Variants in FBN3 observed in about 807,000 individuals in gnomAD.
FBN3 encodes the protein fibrillin-3.
Under a neutral mutation model 330.1 loss-of-function variants are expected in FBN3, and 234 were observed. The ratio of observed to expected loss-of-function variants is 0.71; its 90% CI spans 0.64 to 0.79. FBN3 has a LOEUF of 0.79. Among genes scored for constraint, FBN3 ranks in the 30% least tolerant of loss-of-function variants. The pLI, the probability that FBN3 is intolerant of heterozygous loss-of-function variation, is 0.00. For missense variants in FBN3, 3,606 were observed against 3,886.9 expected (o/e 0.93, Z 1.92); for synonymous variants, 1,458 against 1,517.3 (o/e 0.96, Z 0.91).
chr19:8,115,591 G>A lies in FBN3; in HGVS notation c.3762C>T (p.Cys1254=), dbSNP rs758006859. The part of the protein sequence containing the change: ...LNPHICLHGD[C]ENTKGSFVCH... ...AGACAAAGGAACCCTTCGTGTTCTC[G>A]CAGTCCCCATGGAGGCAGATGTGAG... Residue 1254 remains cysteine (C), a synonymous_variant, in exon 30 of 64, where the codon TGC becomes TGT. Transcript: ENST00000600128. 5.6e-6 allele frequency: 9 copies of A among 1,613,974 alleles called. No homozygotes were observed. The highest frequency in any genetic ancestry group is 3.3e-4 in the Middle Eastern group (2 of 6,062).
rs2144896510 is a variant in FBN3 at position 8,121,359 on chromosome 19, T to A, written c.3110A>T (p.Asp1037Val). The A allele has an allele frequency of 6.2e-7, 1 of 1,611,008 alleles. No homozygotes were observed. The highest frequency in any genetic ancestry group is 8.5e-7 in the Non-Finnish European group (1 of 1,178,540). The stretch of plus-strand genomic sequence containing the variant: ...GACACAGGTGCCCTGGCCGCAGAGG[T>A]CAGGAGAGATGCGACACTCGTCGAT... ...TDIDECRISP[D>V]LCGQGTCVNT... is the part of the protein sequence containing the mutation. The change falls in exon 25 of 64, where the codon GAC becomes GTC. Residue 1037 changes from aspartate to valine, a missense_variant. Physicochemically the swap from Asp to Val is radical, Grantham distance 152 (BLOSUM62 -3). Transcript: ENST00000600128. This position sits in a 1 kb window ranked among gnomAD's most constrained non-coding sequence, Gnocchi z 4.5.
Position 8,123,854 on chromosome 19 carries a change from G to C in FBN3, c.2886C>G (p.Phe962Leu). 6.2e-7 allele frequency: 1 copy of C among 1,612,812 alleles called. No individual in the cohort carries two copies. The highest frequency in any genetic ancestry group is 8.5e-7 in the Non-Finnish European group (1 of 1,179,914). Residue 962 changes from phenylalanine to leucine, a missense_variant, in exon 23 of 64, where the codon TTC becomes TTG. Physicochemically the swap from Phe to Leu is conservative, Grantham distance 22. Transcript: ENST00000600128. ...EACPDPESLE[F>L]ASLCPRGLGF... ...CCAGCCCCCGCGGGCACAGGCTGGC[G>C]AACTCCAGAGACTCGGGATCCGGGC...
Position 8,123,964 on chromosome 19 carries a change from A to G in FBN3, c.2776T>C (p.Cys926Arg), listed in dbSNP as rs779854604. The change falls in exon 23 of 64, where the codon TGT becomes CGT. Residue 926 changes from cysteine to arginine, a missense_variant. Physicochemically the swap from Cys to Arg is radical, Grantham distance 180 (BLOSUM62 -3). Coordinates refer to ENST00000600128, the MANE Select transcript of FBN3 (RefSeq NM_032447.5). ...TACTTGCCAGGCAGGGTGACCCCAC[A>G]CTCATCCTCATCCCATCGCAGGAAA... is the stretch of plus-strand genomic sequence containing the variant. ...PCFLRWDEDE[C>R]GVTLPGKYRM... is the part of the protein sequence containing the mutation. 12 of 1,613,770 alleles carry G rather than the reference A, an allele frequency of 7.4e-6. No homozygotes were observed. In the South Asian group the frequency reaches 1.2e-4, roughly 16 times the overall value.
Position 8,147,537 on chromosome 19 carries a change from C to G in FBN3, c.-17-40G>C, listed in dbSNP as rs2083580774. ...CAGAGTCAGCCCTAGATGAGCCCCC[C>G]ACCCTAGCCATGGGGGACCCAACAC... On this transcript the variant is annotated intron_variant, in intron 1 of 63. Coordinates refer to ENST00000600128, the MANE Select transcript of FBN3 (RefSeq NM_032447.5). 6 of 1,399,706 alleles carry G rather than the reference C, an allele frequency of 4.3e-6. No homozygotes were observed. In the African/African-American group the frequency reaches 4.3e-5, roughly 10 times the overall value. The allele number at this position is 1,399,706 out of a possible 1,614,324, so 86.7% of individuals were successfully genotyped here.
At chr19:8,087,747 TAC>T in intron 53 of FBN3, 76 bp downstream of exon 53, 1 of 1,312,578 alleles carries the variant, frequency 7.6e-7, no homozygotes, top group South Asian at 1.2e-5. Flanking sequence ...TAGCTGGGAT[TAC>T]AGGCGTGTGC....
At chr19:8,097,224 G>A in intron 42 of FBN3, 65 bp downstream of exon 42, 1 of 1,563,538 alleles carries the variant, frequency 6.4e-7, no homozygotes, top group Non-Finnish European at 8.7e-7. Flanking sequence ...TACTCGCCCA[G>A]ATTGCACAGT....
rs371334933 is a variant in FBN3, at chr19:8,136,062, C to G, written c.1490G>C (p.Gly497Ala). Residue 497 changes from glycine (G) to alanine (A), a missense_variant, in exon 13 of 64, where the codon GGT (glycine) becomes GCT (alanine). Coordinates refer to ENST00000600128, the MANE Select transcript of FBN3 (RefSeq NM_032447.5). ...CVDVDECIVS[G>A]GLCHLGRCVN... is the part of the protein sequence containing the mutation. ...ACAGCGGCCCAGGTGACAAAGGCCA[C>G]CACTGACAATGCACTCGTCCACATC... 4.2e-5 allele frequency: 68 copies of G among 1,613,896 alleles called. No individual in the cohort carries two copies. The highest frequency in any genetic ancestry group is 5.2e-5 in the Non-Finnish European group (61 of 1,179,952).
intron 1 of FBN3, among the ~76,000 whole-genome samples, chr19:8,148,299 G>C (rs1458013155): frequency 6.6e-6 from 1 of 152,192 alleles, no homozygotes; most frequent in Non-Finnish European, 1.5e-5. Context: ...ACTGCTCCCA[G>C]GTCAGGGCTG....
chr19:8,104,154 T>C (rs1412440736), intron 38 of FBN3, among the ~76,000 whole-genome samples: 7 of 91,646 alleles, frequency 7.6e-5, no homozygotes, highest in East Asian at 3.0e-4. Flanking sequence ...AAAAACAATA[T>C]GACATTAAGT....
rs369432951 is a variant in FBN3, at chr19:8,086,308, C to T, written c.6772G>A (p.Ala2258Thr). ...CCGTTGACACAGAGGTCAGGCTGAG[C>T]GTGGCATTCATTGTCATCTGAGATG... Reference protein sequence around the residue: ...EGCTDDNECHAQPDLCVNGRC... With the variant: ...EGCTDDNECHTQPDLCVNGRC... Residue 2258 changes from alanine to threonine, a missense_variant, in exon 55 of 64, where the codon GCT becomes ACT. By Grantham distance (58) the Ala-to-Thr change is moderately conservative (BLOSUM62 0). Coordinates refer to ENST00000600128, the MANE Select transcript of FBN3 (RefSeq NM_032447.5). The T allele has an allele frequency of 2.1e-5, 34 of 1,606,352 alleles. No individual in the cohort carries two copies. Among genetic ancestry groups the T allele is most frequent in the East Asian group, 6.8e-5 (3 of 44,374 alleles).
chr19:8,109,547 T>C lies in FBN3; in HGVS notation c.4456+84A>G. ...CAGGAGCAGGTAGATTTGAACACGT[T>C]GACATCTGAGTTAACCCAGTGGGGC... is the stretch of plus-strand genomic sequence containing the variant. On this transcript the variant is annotated intron_variant, in intron 35 of 63. Coordinates refer to ENST00000600128, the MANE Select transcript of FBN3 (RefSeq NM_032447.5). This position sits in a 1 kb window ranked among gnomAD's most constrained non-coding sequence, Gnocchi z 5.2. The C allele has an allele frequency of 6.5e-7, 1 of 1,545,622 alleles. No individual in the cohort carries two copies.
At chr19:8,145,780 G>T in intron 5 of FBN3, 63 bp downstream of exon 5, 2 of 1,305,556 alleles carry the variant, frequency 1.5e-6, no homozygotes, top group Non-Finnish European at 2.2e-6. Flanking sequence ...TGGCAGCAGA[G>T]ACTAATACTC....
At position 8,117,266 on chromosome 19, in the gene FBN3, A is replaced by G. The variant is rs776231221; in HGVS notation, c.3489T>C (p.Asn1163=). The change falls in exon 28 of 64, where the codon AAT becomes AAC. Residue 1163 remains asparagine, a synonymous_variant. Transcript: ENST00000600128. ...TAATACAGTGCACGTCACACCCACC[A>G]TTCTGGACCCGGCATTCGTTGATGT... The part of the protein sequence containing the change: ...CVDINECRVQ[N]GGCDVHCINT... 6.6e-6 allele frequency: 10 copies of G among 1,514,388 alleles called. No individual in the cohort carries two copies. The highest frequency in any genetic ancestry group is 8.9e-6 in the Non-Finnish European group (10 of 1,118,236). 93.8% of individuals were successfully genotyped at this position (1,514,388 alleles called of 1,614,324 possible).
intron 30 of FBN3, among the ~76,000 whole-genome samples, chr19:8,114,110 C>G (rs898895476): frequency 1.3e-5 from 2 of 152,174 alleles, no homozygotes; most frequent in Middle Eastern, 3.4e-3. Context: ...CATCTACAAG[C>G]TGAGGAACAG....
chr19:8,096,622 T>G lies in FBN3; in HGVS notation c.5414-53A>C. ...CAGGGCTCCTACCACAGTGTTTGCC[T>G]GAGCTCTCCCTACTGCAATGGGGAA... On this transcript the variant is annotated intron_variant, in intron 43 of 63. Transcript: ENST00000600128. This position sits in a 1 kb window ranked among gnomAD's most constrained non-coding sequence, Gnocchi z 4.6. 1 of 1,555,918 alleles carries G rather than the reference T, an allele frequency of 6.4e-7. No individual in the cohort carries two copies. Among genetic ancestry groups the G allele is most frequent in the Non-Finnish European group, 8.7e-7 (1 of 1,152,606 alleles).
At position 8,146,137 on chromosome 19, in the gene FBN3, C is replaced by G. The variant is rs1357366054; in HGVS notation, c.339G>C (p.Gly113=). The part of the protein sequence containing the change: ...CADGTLAPSC[G]VSRGSGCSVS... ...CCGCTTCCCGCTCACCTCGGCTCAC[C>G]CCGCAGCTGGGAGCCAGCGTCCCAT... Residue 113 remains glycine (G), a synonymous_variant, in exon 4 of 64, where the codon GGG becomes GGC. Coordinates refer to ENST00000600128, the MANE Select transcript of FBN3 (RefSeq NM_032447.5). 6.3e-7 allele frequency: 1 copy of G among 1,594,594 alleles called. No homozygotes were observed. Among genetic ancestry groups the G allele is most frequent in the Admixed American group, 1.8e-5 (1 of 56,244 alleles).
intron 21 of FBN3, 40 bp from the exon 22 acceptor site, chr19:8,126,057 G>A (rs755427026): frequency 1.2e-6 from 2 of 1,612,758 alleles, no homozygotes; most frequent in Non-Finnish European, 1.7e-6. Context: ...TCCAGGGAGG[G>A]GAAGGGTGCT....
At chr19:8,128,988 A>T (rs762661599) in intron 18 of FBN3, 40 bp downstream of exon 18, 20 of 1,587,736 alleles carry the variant, frequency 1.3e-5, no homozygotes, top group Non-Finnish European at 1.7e-5. Flanking sequence ...GTTGGAGCAT[A>T]TGTGTGTGTG....
intron 54 of FBN3, 31 bp from the exon 55 acceptor site, chr19:8,086,356 G>A (rs201354773): frequency 1.7e-5 from 27 of 1,562,024 alleles, no homozygotes; most frequent in East Asian, 7.0e-5. Flanking sequence ...CAGGTGGGCG[G>A]GGAGGCCACA....
Sources: gnomAD v4.1 joint callset for allele counts (sites outside exome capture counted in the v4.1 genomes callset) on GRCh38, gnomAD v4.1.1 for gene constraint, Gnocchi (gnomAD v3.1) non-coding constraint, MANE v1.5 for transcripts, NCBI Gene and HGNC (gene_info 2026-07-23, HGNC 2026-07-21) for gene names.